Variants in SEMA3E observed in about 807,000 individuals in gnomAD.
SEMA3E encodes the protein semaphorin 3E, also known as semaphorin-3E.
SEMA3E carries 49 observed loss-of-function variants against 93.6 expected under a neutral mutation model. That is an observed-to-expected ratio of 0.52 (90% confidence interval 0.42 to 0.66). The LOEUF (loss-of-function observed/expected upper bound fraction) is 0.66. SEMA3E is among the 30% of genes least tolerant of loss of function. SEMA3E has a pLI of 0.00. For missense variants in SEMA3E, 906 were observed against 964.8 expected (o/e 0.94, Z 0.81); for synonymous variants, 363 against 330.7 (o/e 1.10, Z -1.06).
At chr7:83,401,613 C>T (rs1214445517) in intron 10 of SEMA3E, among the ~76,000 whole-genome samples, 1 of 151,982 alleles carries the variant, frequency 6.6e-6, no homozygotes, top group Non-Finnish European at 1.5e-5. Flanking sequence ...ATAAAATATA[C>T]TTTATGTCTT....
rs1562743425 is a variant in SEMA3E, at chr7:83,363,859, C to CTTTTTTTTTTTTTTT, written c.*3726_*3727insAAAAAAAAAAAAAAA. 9.9e-6 allele frequency: 1 copy of CTTTTTTTTTTTTTTT among 100,558 alleles called. No individual in the cohort carries two copies. Among genetic ancestry groups the CTTTTTTTTTTTTTTT allele is most frequent in the African/African-American group, 4.7e-5 (1 of 21,430 alleles). 6.2% of individuals were successfully genotyped at this position (100,558 alleles called of 1,614,324 possible). A position where few individuals can be genotyped will look rare whatever the true frequency, so the allele number is the denominator to read the frequency against. On this transcript the variant is annotated 3_prime_UTR_variant, in exon 17 of 17. Coordinates refer to ENST00000643230, the MANE Select transcript of SEMA3E (RefSeq NM_012431.3). ...AGGCTACAGGTGTCACAGGTCAATTCATTTTTTTTTTTTTTTTTTTTTTTT... is the reference window on the plus strand; with the variant it reads ...AGGCTACAGGTGTCACAGGTCAATTCTTTTTTTTTTTTTTTATTTTTTTTTTTTTTTTTTTTTTTT...
At chr7:83,548,626 G>A (rs1458256016) in intron 1 of SEMA3E, among the ~76,000 whole-genome samples, 1 of 151,934 alleles carries the variant, frequency 6.6e-6, no homozygotes, top group African/African-American at 2.4e-5. Flanking sequence ...GTTAATATTT[G>A]TAGTCCCAGG....
chr7:83,640,767 A>G (rs1384319792), intron 1 of SEMA3E, among the ~76,000 whole-genome samples: 1 of 152,192 alleles, frequency 6.6e-6, no homozygotes, highest in East Asian at 1.9e-4. Flanking sequence ...GAAGAAATCA[A>G]AAGTATTTAT....
At chr7:83,491,181 T>C (rs893164938) in intron 1 of SEMA3E, among the ~76,000 whole-genome samples, 3 of 152,058 alleles carry the variant, frequency 2.0e-5, no homozygotes, top group Non-Finnish European at 4.4e-5. Flanking sequence ...TCTAAACAAA[T>C]GATAATATAA....
intron 1 of SEMA3E, among the ~76,000 whole-genome samples, chr7:83,584,536 A>C (rs866232380): frequency 5.3e-5 from 8 of 152,198 alleles, no homozygotes; most frequent in Non-Finnish European, 8.8e-5. Flanking sequence ...AAATTTTAAT[A>C]GGTGGTGTTG....
In SEMA3E at chr7:83,405,983, G is replaced by A. The variant is rs750168637; in HGVS notation, c.890C>T (p.Pro297Leu). 1 of 1,613,052 alleles carries A rather than the reference G, an allele frequency of 6.2e-7. No individual in the cohort carries two copies. The highest frequency in any genetic ancestry group is 8.5e-7 in the Non-Finnish European group (1 of 1,179,288). The change falls in exon 8 of 17, where the codon CCA (proline) becomes CTA (leucine). Residue 297 changes from proline (P) to leucine (L), a missense_variant. Pro to Leu is a moderately conservative substitution (Grantham distance 98, BLOSUM62 -3). Transcript: ENST00000643230. ...FLKARLVCSV[P>L]GMNGIDTYFD... ...ATATGTGTCAATTCCATTCATTCCT[G>A]GTACTGAGCAAACGAGTCTCGCTTT...
chr7:83,388,762 C>T (rs1787934341), intron 14 of SEMA3E, among the ~76,000 whole-genome samples: 1 of 150,014 alleles, frequency 6.7e-6, no homozygotes, highest in Non-Finnish European at 1.5e-5. Context: ...TGTGTCCTCC[C>T]TTGTAAAATA....
At chr7:83,508,505 G>A (rs1790749626) in intron 1 of SEMA3E, among the ~76,000 whole-genome samples, 1 of 151,948 alleles carries the variant, frequency 6.6e-6, no homozygotes, top group Admixed American at 6.6e-5. Context: ...CAGGTGATCT[G>A]CCCACCTCGG....
chr7:83,621,200 A>G (rs1404927139), intron 1 of SEMA3E, among the ~76,000 whole-genome samples: 1 of 152,164 alleles, frequency 6.6e-6, no homozygotes, highest in Non-Finnish European at 1.5e-5. Flanking sequence ...GCACACAAAC[A>G]ACAGGCATGC....
At chr7:83,520,610 A>T (rs907646459) in intron 1 of SEMA3E, among the ~76,000 whole-genome samples, 1 of 145,544 alleles carries the variant, frequency 6.9e-6, no homozygotes, top group Non-Finnish European at 1.6e-5. Flanking sequence ...TGCCTAAAAA[A>T]CAAAACCCAC....
At chr7:83,482,543 C>T (rs914439014) in intron 2 of SEMA3E, among the ~76,000 whole-genome samples, 1 of 123,196 alleles carries the variant, frequency 8.1e-6, no homozygotes, top group Admixed American at 1.1e-4. Context: ...CCAGCCTGCG[C>T]GACAGAGCCA....
chr7:83,380,839 G>A (rs1414735945), intron 16 of SEMA3E, among the ~76,000 whole-genome samples: 1 of 151,930 alleles, frequency 6.6e-6, no homozygotes, highest in East Asian at 1.9e-4. Flanking sequence ...CAGTTGAACA[G>A]AGAGAAGAGA....
chr7:83,383,166 G>A (rs1388364483), intron 16 of SEMA3E, among the ~76,000 whole-genome samples: 1 of 151,536 alleles, frequency 6.6e-6, no homozygotes, highest in Non-Finnish European at 1.5e-5. Context: ...TTACCCAGGA[G>A]GTAAGAATTA....
At position 83,402,619 on chromosome 7, in the gene SEMA3E, T is replaced by A. The variant is rs768057462; in HGVS notation, c.1143+13A>T. On this transcript the variant is annotated intron_variant, in intron 10 of 16. Coordinates refer to ENST00000643230, the MANE Select transcript of SEMA3E (RefSeq NM_012431.3). ...TTAAAAATAAGAATTATTTGTTATATAACTAAACTTACAGAACCAGGCCTT... is the reference window on the plus strand; with the variant it reads ...TTAAAAATAAGAATTATTTGTTATAAAACTAAACTTACAGAACCAGGCCTT... 1 of 1,607,448 alleles carries A rather than the reference T, an allele frequency of 6.2e-7. No homozygotes were observed. The highest frequency in any genetic ancestry group is 1.3e-5 in the African/African-American group (1 of 74,742).
At chr7:83,642,729 C>G (rs191974091) in intron 1 of SEMA3E, among the ~76,000 whole-genome samples, 16 of 152,180 alleles carry the variant, frequency 1.1e-4, no homozygotes, top group African/African-American at 3.9e-4. Context: ...ATATGTTACA[C>G]TAGAAACTAC....
At chr7:83,442,840 G>A (rs1789144979) in intron 4 of SEMA3E, among the ~76,000 whole-genome samples, 1 of 152,142 alleles carries the variant, frequency 6.6e-6, no homozygotes, top group Non-Finnish European at 1.5e-5. Flanking sequence ...GCACTGCTCT[G>A]TCAGGTAGAA....
At chr7:83,624,572 T>G (rs1207053671) in intron 1 of SEMA3E, among the ~76,000 whole-genome samples, 1 of 152,048 alleles carries the variant, frequency 6.6e-6, no homozygotes, top group African/African-American at 2.4e-5. Flanking sequence ...ATGGGGTTGT[T>G]TTTTTATTTT....
At chr7:83,428,586 T>G (rs1788818308) in intron 4 of SEMA3E, among the ~76,000 whole-genome samples, 1 of 152,164 alleles carries the variant, frequency 6.6e-6, no homozygotes. Flanking sequence ...ATATCTTTTT[T>G]GTTTCTCCTG....
chr7:83,502,132 C>A (rs1790608387), intron 1 of SEMA3E, among the ~76,000 whole-genome samples: 1 of 152,080 alleles, frequency 6.6e-6, no homozygotes, highest in African/African-American at 2.4e-5. Context: ...AGAATTTGTC[C>A]TGATTCTTCT....
Sources: allele counts gnomAD v4.1 joint callset (sites outside exome capture counted in the v4.1 genomes callset), GRCh38; gene constraint gnomAD v4.1.1; transcripts MANE v1.5; gene names NCBI Gene and HGNC (gene_info 2026-07-23, HGNC 2026-07-21).